WNT7B: variants seen among roughly 807,000 people sequenced by gnomAD.
WNT7B encodes the protein protein Wnt-7b.
A neutral mutation model predicts 38.2 loss-of-function variants in WNT7B; 19 were observed. That is an observed-to-expected ratio of 0.50 (90% CI 0.35 to 0.73). WNT7B has a LOEUF of 0.73. Among genes scored for constraint, WNT7B ranks in the 30% least tolerant of loss-of-function variants. The pLI, the probability that WNT7B is intolerant of heterozygous loss-of-function variation, is 0.01. For missense variants in WNT7B, 423 were observed against 507.9 expected (o/e 0.83, Z 1.61); for synonymous variants, 243 against 209.3 (o/e 1.16, Z -1.39).
chr22:45,940,902 G>A (rs1931629399), intron 2 of WNT7B, among the ~76,000 whole-genome samples: 1 of 152,234 alleles, frequency 6.6e-6, no homozygotes. Context: ...AGAATGAGCT[G>A]AGCATGAGTG....
intron 2 of WNT7B, chr22:45,935,903 T>A: frequency 1.0e-6 from 1 of 984,716 alleles, no homozygotes; most frequent in South Asian, 4.7e-5. Context: ...GCACGGATGC[T>A]CTGTTTGGGG....
At chr22:45,952,303 G>C (rs940535439) in intron 1 of WNT7B, among the ~76,000 whole-genome samples, 1 of 152,210 alleles carries the variant, frequency 6.6e-6, no homozygotes, top group African/African-American at 2.4e-5. Flanking sequence ...TGCGGCCTGA[G>C]CCCACAGCAC....
At chr22:45,972,576 G>A (rs1221080679) in intron 1 of WNT7B, 4 of 156,172 alleles carry the variant, frequency 2.6e-5, no homozygotes, top group Non-Finnish European at 5.6e-5. Flanking sequence ...CAAGTCTCCC[G>A]AGGCGCGCAG....
In WNT7B at chr22:45,931,473, T is replaced by G. The variant is rs1030453717; in HGVS notation, c.299-104A>C. Reference sequence around the variant, plus strand: ...CGATCCACCTGCTGTTGGCTGGTTGTGTGACCCTGGGCTCATCGCTCGCCC... The same window carrying G: ...CGATCCACCTGCTGTTGGCTGGTTGGGTGACCCTGGGCTCATCGCTCGCCC... On this transcript the variant is annotated intron_variant, in intron 2 of 3. Coordinates refer to ENST00000339464, the MANE Select transcript of WNT7B (RefSeq NM_058238.3). 2.2e-6 allele frequency: 3 copies of G among 1,350,042 alleles called. No homozygotes were observed. In the South Asian group the frequency reaches 4.5e-5, roughly 20 times the overall value. The allele number at this position is 1,350,042 out of a possible 1,614,324, so 83.6% of individuals were successfully genotyped here. A position where few individuals can be genotyped will look rare whatever the true frequency, so the allele number is the denominator to read the frequency against.
At chr22:45,957,860 A>G (rs1223637343) in intron 1 of WNT7B, among the ~76,000 whole-genome samples, 1 of 152,190 alleles carries the variant, frequency 6.6e-6, no homozygotes, top group East Asian at 1.9e-4. Context: ...GACCTAAGGC[A>G]GAGCTGGGCT....
rs1206302726 is a variant in WNT7B at position 45,966,582 on chromosome 22, G to A, written c.71+10102C>T. On this transcript the variant is annotated intron_variant, in intron 1 of 3. Coordinates refer to ENST00000339464, the MANE Select transcript of WNT7B (RefSeq NM_058238.3). This position sits in a 1 kb window ranked among gnomAD's most constrained non-coding sequence, Gnocchi z 4.2. Reference sequence around the variant, plus strand: ...GCTGACACCCGGCAAGCTGCTCGTCGGGTGCGGTGGCTTCCTCCCAGGCCC... The same window carrying A: ...GCTGACACCCGGCAAGCTGCTCGTCAGGTGCGGTGGCTTCCTCCCAGGCCC... Among the ~76,000 whole-genome samples the A allele has an allele frequency of 2.0e-5, 3 of 152,196 alleles. No individual in the cohort carries two copies. The highest frequency in any genetic ancestry group is 1.9e-4 in the East Asian group (1 of 5,198).
At chr22:45,931,058 G>T (rs1373539120) in intron 3 of WNT7B, 40 bp downstream of exon 3, 20 of 1,527,614 alleles carry the variant, frequency 1.3e-5, no homozygotes, top group Non-Finnish European at 1.8e-5. Flanking sequence ...TGATACAGCG[G>T]TCCCAGCTAC....
intron 3 of WNT7B, among the ~76,000 whole-genome samples, chr22:45,924,106 G>A (rs746415694): frequency 2.0e-5 from 3 of 152,210 alleles, no homozygotes; most frequent in African/African-American, 4.8e-5. Flanking sequence ...CCTGCCAGCC[G>A]GGCCTGATTG....
At chr22:45,948,615 A>G (rs543756070) in intron 2 of WNT7B, among the ~76,000 whole-genome samples, 1 of 152,086 alleles carries the variant, frequency 6.6e-6, no homozygotes, top group South Asian at 2.1e-4. Flanking sequence ...GCCTCTTGCC[A>G]CAGCCTGGAG....
chr22:45,970,064 T>C (rs181422782), intron 1 of WNT7B, among the ~76,000 whole-genome samples: 44 of 152,280 alleles, frequency 2.9e-4, no homozygotes, highest in Admixed American at 2.0e-3. Flanking sequence ...CCTACTCCCA[T>C]CTATGGTCAG....
chr22:45,963,488 T>TCCTTCCCCTGCCTTC (rs1209807958), intron 1 of WNT7B, among the ~76,000 whole-genome samples: 3 of 152,036 alleles, frequency 2.0e-5, no homozygotes, highest in Admixed American at 6.5e-5. Flanking sequence ...CTGAGTGCCG[T>TCCTTCCCCTGCCTTC]CCCTGCCTTC....
chr22:45,971,410 GC>G (rs1932435367), intron 1 of WNT7B, among the ~76,000 whole-genome samples: 1 of 152,220 alleles, frequency 6.6e-6, no homozygotes, highest in Non-Finnish European at 1.5e-5. Flanking sequence ...ACCACTGCGC[GC>G]CCCCTGGGCT....
intron 2 of WNT7B, among the ~76,000 whole-genome samples, chr22:45,933,383 G>A (rs549454414): frequency 9.8e-5 from 15 of 152,320 alleles, no homozygotes; most frequent in South Asian, 8.3e-4. Context: ...CCCGCTCCCT[G>A]CCTGGGCCAG....
intron 2 of WNT7B, among the ~76,000 whole-genome samples, chr22:45,945,527 T>TA (rs1342317471): frequency 6.6e-6 from 1 of 152,258 alleles, no homozygotes; most frequent in Non-Finnish European, 1.5e-5. Flanking sequence ...ATCTTACACT[T>TA]ACGGCACATG....
intron 1 of WNT7B, chr22:45,972,557 T>A (rs1932472790): frequency 6.3e-6 from 1 of 159,958 alleles, no homozygotes; most frequent in East Asian, 1.8e-4. Flanking sequence ...TCGCTCTGGC[T>A]CACTTCTCCA....
rs1029639929 is a variant in WNT7B, at chr22:45,934,229, C to T, written c.299-2860G>A. The stretch of plus-strand genomic sequence containing the variant: ...GACGGAGGAGCAAAGTGCCTGGGGT[C>T]GGGGGCCCTGGAAGGTCCTTCTGCC... On this transcript the variant is annotated intron_variant, in intron 2 of 3. Coordinates refer to ENST00000339464, the MANE Select transcript of WNT7B (RefSeq NM_058238.3). 5.9e-5 allele frequency among the ~76,000 whole-genome samples: 9 copies of T among 152,228 alleles called. 1 individual carries two copies. Among genetic ancestry groups the T allele is most frequent in the Middle Eastern group, 3.4e-3 (1 of 294 alleles).
chr22:45,974,944 C>A (rs1379057476), intron 1 of WNT7B, among the ~76,000 whole-genome samples: 1 of 152,144 alleles, frequency 6.6e-6, no homozygotes, highest in Non-Finnish European at 1.5e-5. Context: ...CCGTCAGCTC[C>A]TTCTGCTGTC....
In WNT7B at chr22:45,976,474, C is replaced by T. The variant is rs1054105905; in HGVS notation, c.71+210G>A. Among the ~76,000 whole-genome samples, 6 of 152,006 alleles carry T rather than the reference C, an allele frequency of 3.9e-5. No homozygotes were observed. The highest frequency in any genetic ancestry group is 1.4e-4 in the African/African-American group (6 of 41,440). ...CCGCGCGCCCCGCTCTCTCTCCTCCCGCGCTGGGCTCGGCGCCTCTCGGGA... is the reference window on the plus strand; with the variant it reads ...CCGCGCGCCCCGCTCTCTCTCCTCCTGCGCTGGGCTCGGCGCCTCTCGGGA... On this transcript the variant is annotated intron_variant, in intron 1 of 3. Coordinates refer to ENST00000339464, the MANE Select transcript of WNT7B (RefSeq NM_058238.3). This position sits in a 1 kb window ranked among gnomAD's most constrained non-coding sequence, Gnocchi z 8.5.
At chr22:45,925,919 T>C (rs750603652) in intron 3 of WNT7B, 30 of 985,222 alleles carry the variant, frequency 3.0e-5, no homozygotes, top group Non-Finnish European at 3.5e-5. Flanking sequence ...CTAGTGCTCC[T>C]GCTGTGGCCC....
Sources: gnomAD v4.1 joint callset for allele counts (sites outside exome capture counted in the v4.1 genomes callset) on GRCh38, gnomAD v4.1.1 for gene constraint, Gnocchi (gnomAD v3.1) non-coding constraint, MANE v1.5 for transcripts, NCBI Gene and HGNC (gene_info 2026-07-23, HGNC 2026-07-21) for gene names.